Variants in SNTB2 observed in about 807,000 individuals in gnomAD.
The protein encoded by SNTB2 is beta-2-syntrophin.
SNTB2 carries 34 observed loss-of-function variants against 46.2 expected under a neutral mutation model. The observed-to-expected ratio is 0.74, with a 90% CI of 0.56 to 0.98. The LOEUF (loss-of-function observed/expected upper bound fraction) is 0.98. Ranked by LOEUF, SNTB2 falls within the 50% of genes least tolerant of loss-of-function variation. The probability of loss-of-function intolerance (pLI) is 0.00; values close to 1 mark genes in which losing one functional copy is unlikely to be tolerated. For missense variants in SNTB2, 603 were observed against 731.4 expected (o/e 0.82, Z 2.02); for synonymous variants, 290 against 312.6 (o/e 0.93, Z 0.76).
Position 69,305,872 on chromosome 16 carries a change from C to T in SNTB2, c.*4948C>T, listed in dbSNP as rs1480319900. On this transcript the variant is annotated 3_prime_UTR_variant, in exon 7 of 7. Transcript: ENST00000336278. ...GTAATCTAAAATTATTCTGACTTTC[C>T]ACATACTGTCTTTAAAAACCAATTG... 1 of 151,696 alleles carries T rather than the reference C, an allele frequency of 6.6e-6. No individual in the cohort carries two copies. Among genetic ancestry groups the T allele is most frequent in the African/African-American group, 2.4e-5 (1 of 41,316 alleles). 9.4% of individuals were successfully genotyped at this position (151,696 alleles called of 1,614,324 possible).
rs1336841593 is a variant in SNTB2 at position 69,304,074 on chromosome 16, C to A, written c.*3150C>A. On this transcript the variant is annotated 3_prime_UTR_variant, in exon 7 of 7. Coordinates refer to ENST00000336278, the MANE Select transcript of SNTB2 (RefSeq NM_006750.4). ...CAGCGAGTTGGTATATGAAAAGTCT[C>A]CCACCTTTTCTCCTAAAACTTCTCT... The A allele has an allele frequency of 6.6e-5, 10 of 152,078 alleles. No individual in the cohort carries two copies. Among genetic ancestry groups the A allele is most frequent in the Admixed American group, 6.6e-4 (10 of 15,262 alleles). 9.4% of individuals were successfully genotyped at this position (152,078 alleles called of 1,614,324 possible). A position where few individuals can be genotyped will look rare whatever the true frequency, so the allele number is the denominator to read the frequency against.
intron 3 of SNTB2, among the ~76,000 whole-genome samples, chr16:69,261,213 T>G (rs1964831290): frequency 1.3e-5 from 2 of 152,160 alleles, no homozygotes; most frequent in African/African-American, 4.8e-5. Flanking sequence ...AAAAGCAGAA[T>G]CAGCACAGGA....
rs946031204 is a variant in SNTB2 at position 69,285,688 on chromosome 16, G to A, written c.1345+1444G>A. 5.3e-5 allele frequency among the ~76,000 whole-genome samples: 8 copies of A among 151,522 alleles called. No individual in the cohort carries two copies. In the East Asian group the frequency reaches 9.7e-4, roughly 18 times the overall value. Reference sequence around the variant, plus strand: ...TTTTTTTTAAGTAGAGATGGGCCTCGCTTTGTTGCCCAGGCTGGTCTCAAA... The same window carrying A: ...TTTTTTTTAAGTAGAGATGGGCCTCACTTTGTTGCCCAGGCTGGTCTCAAA... On this transcript the variant is annotated intron_variant, in intron 5 of 6. Transcript: ENST00000336278.
At chr16:69,227,844 T>G (rs1160017850) in intron 1 of SNTB2, among the ~76,000 whole-genome samples, 1 of 107,628 alleles carries the variant, frequency 9.3e-6, no homozygotes, top group Non-Finnish European at 2.1e-5. Flanking sequence ...TCTCTGGATT[T>G]TTTTTTTTTT....
chr16:69,249,528 C>T (rs1379859594), intron 2 of SNTB2, among the ~76,000 whole-genome samples: 3 of 152,160 alleles, frequency 2.0e-5, no homozygotes, highest in Non-Finnish European at 2.9e-5. Context: ...GTCCAGTTAA[C>T]CTTGGTCTTT....
At chr16:69,288,053 G>A (rs1465846377) in intron 5 of SNTB2, among the ~76,000 whole-genome samples, 1 of 151,888 alleles carries the variant, frequency 6.6e-6, no homozygotes, top group Non-Finnish European at 1.5e-5. Context: ...AAAAAATACA[G>A]TATTGGAGGT....
At chr16:69,206,564 G>T (rs1430672047) in intron 1 of SNTB2, among the ~76,000 whole-genome samples, 2 of 151,556 alleles carry the variant, frequency 1.3e-5, no homozygotes, top group African/African-American at 4.8e-5. Flanking sequence ...GGTGGTGCAT[G>T]CCTGTAATCC....
intron 1 of SNTB2, among the ~76,000 whole-genome samples, chr16:69,229,828 G>T (rs1222476043): frequency 7.9e-6 from 1 of 126,896 alleles, no homozygotes; most frequent in African/African-American, 2.9e-5. Context: ...GGTGACAGGA[G>T]CAAGACCCTG....
chr16:69,241,892 G>A (rs1475114527), intron 1 of SNTB2: 1 of 134,256 alleles, frequency 7.4e-6, no homozygotes, highest in Non-Finnish European at 1.5e-5. Flanking sequence ...TCATGCCACT[G>A]CACTTCAACC....
At chr16:69,199,179 G>A (rs1482723725) in intron 1 of SNTB2, among the ~76,000 whole-genome samples, 3 of 152,102 alleles carry the variant, frequency 2.0e-5, no homozygotes, top group Non-Finnish European at 4.4e-5. Context: ...ACAGGCGTGA[G>A]CCACCACGCC....
intron 1 of SNTB2, among the ~76,000 whole-genome samples, chr16:69,234,160 G>A (rs1964534547): frequency 6.6e-6 from 1 of 152,190 alleles, no homozygotes; most frequent in Non-Finnish European, 1.5e-5. Flanking sequence ...GCGAAACCCT[G>A]TCTCTACAAA....
chr16:69,307,468 A>G lies in SNTB2; in HGVS notation c.*6544A>G, dbSNP rs1473564074. The G allele has an allele frequency of 6.6e-6, 1 of 152,244 alleles. No individual in the cohort carries two copies. The highest frequency in any genetic ancestry group is 2.4e-5 in the African/African-American group (1 of 41,454). 9.4% of individuals were successfully genotyped at this position (152,244 alleles called of 1,614,324 possible). A position where few individuals can be genotyped will look rare whatever the true frequency, so the allele number is the denominator to read the frequency against. On this transcript the variant is annotated 3_prime_UTR_variant, in exon 7 of 7. Coordinates refer to ENST00000336278, the MANE Select transcript of SNTB2 (RefSeq NM_006750.4). ...AAGATAAATCACAACAACAAAAATT[A>G]AGTTTTATTGCACAAAGTAGATAAA...
At chr16:69,226,574 C>T (rs1964462203) in intron 1 of SNTB2, among the ~76,000 whole-genome samples, 10 of 152,190 alleles carry the variant, frequency 6.6e-5, no homozygotes, top group Admixed American at 6.5e-4. Context: ...CCCACTGTCA[C>T]ACTGGAGTGC....
At chr16:69,268,912 G>A (rs544926450) in intron 3 of SNTB2, among the ~76,000 whole-genome samples, 2 of 152,038 alleles carry the variant, frequency 1.3e-5, no homozygotes, top group Non-Finnish European at 2.9e-5. Context: ...GCTCACGCCT[G>A]TAATCCCAAC....
chr16:69,267,115 C>CCTT (rs1964894467), intron 3 of SNTB2, among the ~76,000 whole-genome samples: 1 of 152,008 alleles, frequency 6.6e-6, no homozygotes, highest in Non-Finnish European at 1.5e-5. Flanking sequence ...GCAACCTCTG[C>CCTT]CTCCCGGGTT....
At chr16:69,222,454 G>A (rs970643005) in intron 1 of SNTB2, among the ~76,000 whole-genome samples, 3 of 152,032 alleles carry the variant, frequency 2.0e-5, no homozygotes, top group East Asian at 1.9e-4. Flanking sequence ...TTGGTTGGGC[G>A]TGGTGGTGTG....
At chr16:69,198,098 AT>A (rs34676761) in intron 1 of SNTB2, among the ~76,000 whole-genome samples, 10,797 of 128,324 alleles carry the variant, frequency 0.084, 556 homozygotes, top group African/African-American at 0.17. Context: ...AACAGAGTTG[AT>A]TTTTTTTTTT....
At chr16:69,247,606 C>G (rs1020505781) in intron 2 of SNTB2, among the ~76,000 whole-genome samples, 1 of 152,076 alleles carries the variant, frequency 6.6e-6, no homozygotes, top group African/African-American at 2.4e-5. Context: ...GAACTGAGCT[C>G]TGCAGTCAGA....
chr16:69,230,658 G>A (rs1964497996), intron 1 of SNTB2, among the ~76,000 whole-genome samples: 1 of 151,718 alleles, frequency 6.6e-6, no homozygotes, highest in Admixed American at 6.6e-5. Context: ...ACTGCGCCTG[G>A]CCGGGTTCAT....
Sources: allele counts gnomAD v4.1 joint callset (sites outside exome capture counted in the v4.1 genomes callset), GRCh38; gene constraint gnomAD v4.1.1; transcripts MANE v1.5; gene names NCBI Gene and HGNC (gene_info 2026-07-23, HGNC 2026-07-21).